AMMECR1: variants seen among roughly 807,000 people sequenced by gnomAD.
AMMECR1 encodes nuclear protein AMMECR1.
Under a neutral mutation model 22.5 loss-of-function variants are expected in AMMECR1, and 3 were observed. The observed-to-expected ratio is 0.13, with a 90% CI of 0.06 to 0.35. AMMECR1 has a LOEUF of 0.35. Among genes scored for constraint, AMMECR1 ranks in the 10% least tolerant of loss-of-function variants. The pLI is 1.00. For missense variants in AMMECR1, 235 were observed against 278.7 expected (o/e 0.84, Z 1.12); for synonymous variants, 130 against 116.7 (o/e 1.11, Z -0.74).
rs1343309759 is a variant in AMMECR1, at chrX:110,328,506, G to A, written c.-147-10657C>T. Among the ~76,000 whole-genome samples, 12 of 83,620 alleles carry A rather than the reference G, an allele frequency of 1.4e-4. No individual in the cohort carries two copies. The South Asian group carries it at 2.0e-3, about 14-fold the overall frequency. 72.6% of individuals were successfully genotyped at this position (83,620 alleles called of 115,157 possible). A position where few individuals can be genotyped will look rare whatever the true frequency, so the allele number is the denominator to read the frequency against. On this transcript the variant is annotated intron_variant, in intron 2 of 7. Coordinates refer to the AMMECR1 transcript ENST00000372057. ...TAACACTTTAAGTTCTGGGATACAT[G>A]TGCAGAACATGCAGGTTTGTAACAT...
chrX:110,231,506 C>G (rs1409701091), intron 2 of AMMECR1, among the ~76,000 whole-genome samples: 1 of 112,099 alleles, frequency 8.9e-6, no homozygotes, highest in African/African-American at 3.2e-5. Context: ...ACAAGAGCTC[C>G]TGAAGGAAGC....
chrX:110,202,323 G>A (rs1034322725), intron 4 of AMMECR1, 123 bp downstream of exon 4: 46 of 508,405 alleles, frequency 9.0e-5, no homozygotes, highest in Non-Finnish European at 1.3e-4. Flanking sequence ...TGATGGAAGA[G>A]TCACTTCTTA....
chrX:110,361,528 ACACT>A (rs777202144), intron 2 of AMMECR1, among the ~76,000 whole-genome samples: 3 of 111,334 alleles, frequency 2.7e-5, no homozygotes, highest in Non-Finnish European at 5.6e-5. Flanking sequence ...TTCCCATCTG[ACACT>A]CAGTAACAAC....
In AMMECR1 at chrX:110,210,321, A is replaced by T. The variant is rs141789042; in HGVS notation, c.699+6197T>A. Among the ~76,000 whole-genome samples, 226 of 111,140 alleles carry T rather than the reference A, an allele frequency of 2.0e-3. 6 individuals carry two copies. In the East Asian group the frequency reaches 0.05, roughly 25 times the overall value. ...AATCTTAATGATAGTGACATCTTAT[A>T]AAAAAACTCAACGTCCCTGGGAAAA... On this transcript the variant is annotated intron_variant, in intron 3 of 5. Coordinates refer to ENST00000262844, the MANE Select transcript of AMMECR1 (RefSeq NM_015365.3).
intron 1 of AMMECR1, among the ~76,000 whole-genome samples, chrX:110,427,393 A>G (rs1441545746): frequency 8.9e-6 from 1 of 112,050 alleles, no homozygotes; most frequent in African/African-American, 3.3e-5. Flanking sequence ...TCTTAAAGTT[A>G]GAGTACGTAC....
chrX:110,367,725 G>T (rs770613885), intron 2 of AMMECR1, among the ~76,000 whole-genome samples: 1 of 110,733 alleles, frequency 9.0e-6, no homozygotes, highest in Non-Finnish European at 1.9e-5. Flanking sequence ...GGTTATTTAG[G>T]CCAAAGCCTT....
intron 1 of AMMECR1, among the ~76,000 whole-genome samples, chrX:110,276,045 T>C (rs1205559843): frequency 9.0e-6 from 1 of 110,947 alleles, no homozygotes; most frequent in Non-Finnish European, 1.9e-5. Context: ...CTGCTTGATA[T>C]TGTCTCACAG....
At chrX:110,416,678 G>A (rs2068679841) in intron 2 of AMMECR1, among the ~76,000 whole-genome samples, 1 of 112,250 alleles carries the variant, frequency 8.9e-6, no homozygotes, top group East Asian at 2.8e-4. Flanking sequence ...TTTTGTAACA[G>A]ATTTGTACTT....
chrX:110,426,196 T>C (rs1048205259), intron 2 of AMMECR1, among the ~76,000 whole-genome samples: 1 of 112,585 alleles, frequency 8.9e-6, no homozygotes, highest in Non-Finnish European at 1.9e-5. Context: ...AATGAGAATG[T>C]GTCTTTGATT....
intron 2 of AMMECR1, among the ~76,000 whole-genome samples, chrX:110,417,306 G>A (rs1390095790): frequency 8.9e-6 from 1 of 112,163 alleles, no homozygotes. Context: ...GACAGGGGAG[G>A]AGGCACATCT....
At chrX:110,245,931 A>C (rs1246004373) in intron 2 of AMMECR1, among the ~76,000 whole-genome samples, 1 of 112,217 alleles carries the variant, frequency 8.9e-6, no homozygotes, top group East Asian at 2.8e-4. Context: ...ATATATGGAC[A>C]GTAGTGCTAC....
intron 2 of AMMECR1, among the ~76,000 whole-genome samples, chrX:110,357,555 T>C (rs1001416618): frequency 8.9e-6 from 1 of 112,293 alleles, no homozygotes; most frequent in African/African-American, 3.2e-5. Context: ...TCATTCTTCC[T>C]TGCTGTAGGC....
intron 2 of AMMECR1, among the ~76,000 whole-genome samples, chrX:110,361,170 C>A (rs2068261029): frequency 9.0e-6 from 1 of 111,241 alleles, no homozygotes; most frequent in Non-Finnish European, 1.9e-5. Flanking sequence ...CCCCGTCTCC[C>A]TAAATACCAA....
rs578002365 is a variant in AMMECR1, at chrX:110,307,908, C to T, written c.473+9691G>A. On this transcript the variant is annotated intron_variant, in intron 1 of 5. Coordinates refer to ENST00000262844, the MANE Select transcript of AMMECR1 (RefSeq NM_015365.3). ...TTTTTGAGACATGGTCTGACTCTGT[C>T]GCCCAAGCTGGAGTGCAGTGGTGTG... Among the ~76,000 whole-genome samples, 13 of 84,411 alleles carry T rather than the reference C, an allele frequency of 1.5e-4. 1 individual carries two copies. In the South Asian group the frequency reaches 5.9e-3, roughly 38 times the overall value. 73.3% of individuals were successfully genotyped at this position (84,411 alleles called of 115,157 possible).
At chrX:110,230,316 C>G (rs986887425) in intron 2 of AMMECR1, among the ~76,000 whole-genome samples, 3 of 112,062 alleles carry the variant, frequency 2.7e-5, no homozygotes, top group Non-Finnish European at 5.6e-5. Flanking sequence ...GAGGAAGTAT[C>G]ACGCAGCAAT....
chrX:110,370,801 C>T (rs2068333169), intron 2 of AMMECR1, among the ~76,000 whole-genome samples: 1 of 112,115 alleles, frequency 8.9e-6, no homozygotes, highest in African/African-American at 3.2e-5. Context: ...ACATATAACA[C>T]ATCCATAACC....
At chrX:110,330,084 T>C (rs193199661) in intron 2 of AMMECR1, among the ~76,000 whole-genome samples, 2 of 111,637 alleles carry the variant, frequency 1.8e-5, no homozygotes, top group Admixed American at 9.5e-5. Flanking sequence ...CAGCTGGGCC[T>C]TCTCTATTGT....
chrX:110,377,837 G>A (rs1228174605), intron 2 of AMMECR1, among the ~76,000 whole-genome samples: 1 of 107,584 alleles, frequency 9.3e-6, no homozygotes, highest in Admixed American at 9.9e-5. Flanking sequence ...GTGAAACCCC[G>A]TCTCTACTAA....
chrX:110,333,244 C>A (rs1206329419), intron 2 of AMMECR1, among the ~76,000 whole-genome samples: 6 of 111,665 alleles, frequency 5.4e-5, no homozygotes, highest in African/African-American at 1.6e-4. Context: ...AGGCTCAGAG[C>A]AGATTGAATT....
Sources: allele counts gnomAD v4.1 joint callset (sites outside exome capture counted in the v4.1 genomes callset), GRCh38; gene constraint gnomAD v4.1.1; transcripts MANE v1.5; gene names NCBI Gene and HGNC (gene_info 2026-07-23, HGNC 2026-07-21).